PSMA1: variants seen among roughly 807,000 people sequenced by gnomAD.
PSMA1 encodes proteasome 20S subunit alpha 1.
A neutral mutation model predicts 38.4 loss-of-function variants in PSMA1; 3 were observed. The observed-to-expected ratio is 0.08, with a 90% CI of 0.04 to 0.20. The LOEUF is 0.20. Among genes scored for constraint, PSMA1 ranks in the 10% least tolerant of loss-of-function variants. The pLI, the probability that PSMA1 is intolerant of heterozygous loss-of-function variation, is 1.00. For synonymous variants in PSMA1, 101 were observed against 107.1 expected, an observed-to-expected ratio of 0.94 and a Z score of 0.35; for missense variants, 227 against 325.3, an observed-to-expected ratio of 0.70 and a Z score of 2.32.
At position 14,517,972 on chromosome 11, in the gene PSMA1, G is replaced by C. The variant is rs1565034318; in HGVS notation, c.58C>G (p.His20Asp). The change falls in exon 3 of 10, where the codon CAT becomes GAT. Residue 20 changes from histidine to aspartate, a missense_variant. Coordinates refer to ENST00000396394, the MANE Select transcript of PSMA1 (RefSeq NM_002786.4). ...VTVWSPQGRI[H>D]QIEYAMEAVK... ...GCTTCCATTGCATATTCAATTTGAT[G>C]AATCCTGCCCTAAAGAAAAAAAAAA... The C allele has an allele frequency of 6.3e-7, 1 of 1,594,938 alleles. No homozygotes were observed. Among genetic ancestry groups the C allele is most frequent in the Non-Finnish European group, 8.5e-7 (1 of 1,171,426 alleles).
At chr11:14,568,207 G>A (rs1395483304) in intron 2 of PSMA1, among the ~76,000 whole-genome samples, 3 of 152,166 alleles carry the variant, frequency 2.0e-5, no homozygotes, top group Non-Finnish European at 4.4e-5. Flanking sequence ...AGAGTGAAGT[G>A]CCCAACTCCA....
rs1376240434 is a variant in PSMA1 at position 14,635,674 on chromosome 11, G to A, written c.-166+7781C>T. ...GAATGTTGAACAAGATCATTTCAAT[G>A]ATCTTACCATCGGAATCTTTTCAAA... On this transcript the variant is annotated intron_variant, in intron 1 of 10. Transcript: ENST00000418988. Among the ~76,000 whole-genome samples the A allele has an allele frequency of 3.9e-5, 6 of 152,224 alleles. No individual in the cohort carries two copies. The East Asian group carries it at 1.2e-3, about 29-fold the overall frequency.
chr11:14,600,784 T>G lies in PSMA1; in HGVS notation c.21+10182A>C, dbSNP rs531740116. On this transcript the variant is annotated intron_variant, in intron 2 of 10. Coordinates refer to the PSMA1 transcript ENST00000418988. The stretch of plus-strand genomic sequence containing the variant: ...ACCAGTCCCAGTGAGATGCACCAGG[T>G]ACCTCAGTTGGAAATGCAGAAATCA... 3.3e-5 allele frequency among the ~76,000 whole-genome samples: 5 copies of G among 152,324 alleles called. No homozygotes were observed. The East Asian group carries it at 9.6e-4, about 29-fold the overall frequency.
intron 2 of PSMA1, among the ~76,000 whole-genome samples, chr11:14,556,321 A>G (rs1397839530): frequency 1.3e-5 from 2 of 152,248 alleles, no homozygotes; most frequent in Non-Finnish European, 2.9e-5. Flanking sequence ...TTCTCTCAGA[A>G]TTCTAAAGGC....
At chr11:14,519,855 A>AT (rs1851497690) in intron 1 of PSMA1, 1 of 174,870 alleles carries the variant, frequency 5.7e-6, no homozygotes, top group Non-Finnish European at 1.2e-5. Context: ...TAGGCGAGAG[A>AT]TAAATAGACG....
At chr11:14,510,453 A>C (rs1399600790) in intron 8 of PSMA1, among the ~76,000 whole-genome samples, 1 of 151,958 alleles carries the variant, frequency 6.6e-6, no homozygotes, top group Non-Finnish European at 1.5e-5. Context: ...TCTTCTTCTA[A>C]TATACTATAT....
chr11:14,579,632 T>C (rs1852260116), intron 2 of PSMA1, among the ~76,000 whole-genome samples: 1 of 152,114 alleles, frequency 6.6e-6, no homozygotes, highest in Non-Finnish European at 1.5e-5. Context: ...TGTAGTATTT[T>C]AATAACAACT....
intron 2 of PSMA1, among the ~76,000 whole-genome samples, chr11:14,606,671 A>G (rs201775302): frequency 6.6e-6 from 1 of 152,230 alleles, no homozygotes; most frequent in South Asian, 2.1e-4. Context: ...AACATTAAAA[A>G]GCAGAGAGGC....
rs1396962452 is a variant in PSMA1, at chr11:14,569,767, A to T, written c.21+41199T>A. 3.3e-5 allele frequency among the ~76,000 whole-genome samples: 5 copies of T among 152,278 alleles called. No individual in the cohort carries two copies. The East Asian group carries it at 9.6e-4, about 29-fold the overall frequency. On this transcript the variant is annotated intron_variant, in intron 2 of 10. Transcript: ENST00000418988. ...CAAGAAGGCCTGCCAGCCTCTGTAG[A>T]CTCCATCTCTGGAGGCGGGGCATAG...
At chr11:14,587,011 C>T (rs566652190) in intron 2 of PSMA1, among the ~76,000 whole-genome samples, 28 of 152,268 alleles carry the variant, frequency 1.8e-4, no homozygotes, top group African/African-American at 9.6e-5. Flanking sequence ...CCGCCTGCCT[C>T]GGCCTCTCAA....
chr11:14,586,667 T>C (rs940009708), intron 2 of PSMA1, among the ~76,000 whole-genome samples: 7 of 152,308 alleles, frequency 4.6e-5, no homozygotes, highest in African/African-American at 9.6e-5. Flanking sequence ...TTTTCACCCA[T>C]AGAAAGTCTA....
intron 2 of PSMA1, among the ~76,000 whole-genome samples, chr11:14,606,609 T>TA (rs1385954761): frequency 2.0e-5 from 3 of 152,170 alleles, no homozygotes; most frequent in Non-Finnish European, 2.9e-5. Flanking sequence ...TGTTTCTAAT[T>TA]CATGTGCATC....
chr11:14,565,588 C>T (rs781267775), intron 2 of PSMA1, among the ~76,000 whole-genome samples: 1 of 152,144 alleles, frequency 6.6e-6, no homozygotes, highest in African/African-American at 2.4e-5. Context: ...ATGTTTATAG[C>T]TACCTACCAA....
upstream of PSMA1, among the ~76,000 whole-genome samples, chr11:14,521,765 C>A (rs1234082385): frequency 1.1e-3 from 116 of 107,848 alleles, no homozygotes; most frequent in African/African-American, 1.6e-3. Flanking sequence ...GACTCCATCT[C>A]AAAAAAAAAA....
At position 14,512,076 on chromosome 11, in the gene PSMA1, G is replaced by C. The variant is rs1045322163; in HGVS notation, c.545-1125C>G. ...ACACTGAAAACTACAAAACATCAGT[G>C]AAAGAATTAAATACCTGGTTGGGTG... On this transcript the variant is annotated intron_variant, in intron 7 of 9. Coordinates refer to ENST00000396394, the MANE Select transcript of PSMA1 (RefSeq NM_002786.4). Among the ~76,000 whole-genome samples, 5 of 152,266 alleles carry C rather than the reference G, an allele frequency of 3.3e-5. No individual in the cohort carries two copies. The South Asian group carries it at 1.0e-3, about 32-fold the overall frequency.
intron 1 of PSMA1, among the ~76,000 whole-genome samples, chr11:14,617,872 T>G (rs1304859349): frequency 6.6e-6 from 1 of 152,096 alleles, no homozygotes; most frequent in East Asian, 1.9e-4. Context: ...ATTCCTTGCC[T>G]AGGAGAGAGA....
At chr11:14,613,018 T>A (rs1426571673) in intron 1 of PSMA1, among the ~76,000 whole-genome samples, 2 of 152,084 alleles carry the variant, frequency 1.3e-5, no homozygotes, top group African/African-American at 2.4e-5. Context: ...GGTTATGCAG[T>A]GTATTAATGA....
intron 2 of PSMA1, among the ~76,000 whole-genome samples, chr11:14,592,965 A>T (rs1200266371): frequency 6.6e-6 from 1 of 152,142 alleles, no homozygotes; most frequent in Non-Finnish European, 1.5e-5. Flanking sequence ...ATCTGAAATT[A>T]TTCTATTTAT....
intron 1 of PSMA1, among the ~76,000 whole-genome samples, chr11:14,616,488 T>A (rs1590011850): frequency 6.6e-6 from 1 of 152,240 alleles, no homozygotes; most frequent in South Asian, 2.1e-4. Context: ...TGCCTCGGCC[T>A]TCCAAAGTGC....
Sources: allele counts gnomAD v4.1 joint callset (sites outside exome capture counted in the v4.1 genomes callset), GRCh38; gene constraint gnomAD v4.1.1; transcripts MANE v1.5; gene names NCBI Gene and HGNC (gene_info 2026-07-23, HGNC 2026-07-21).